Variants in GYG1 observed in about 807,000 individuals in gnomAD.
GYG1 encodes the protein glycogenin 1, also known as glycogenin-1.
Under a neutral mutation model 41.9 loss-of-function variants are expected in GYG1, and 44 were observed. That is an observed-to-expected ratio of 1.05 (90% CI 0.83 to 1.35). The LOEUF (loss-of-function observed/expected upper bound fraction) is 1.35, where lower values mean the gene tolerates loss of function less well. GYG1 is among the 40% of genes most tolerant of loss of function. The pLI, the probability that GYG1 is intolerant of heterozygous loss-of-function variation, is 0.00. For synonymous variants in GYG1, 141 were observed against 158.1 expected, an observed-to-expected ratio of 0.89 and a Z score of 0.81; for missense variants, 429 against 418.9, an observed-to-expected ratio of 1.02 and a Z score of -0.21.
chr3:148,997,953 C>A (rs1352661507), intron 4 of GYG1, among the ~76,000 whole-genome samples: 1 of 152,202 alleles, frequency 6.6e-6, no homozygotes, highest in East Asian at 1.9e-4. Context: ...GCAGAAACAG[C>A]CTTTCTCATT....
rs1371365911 is a variant in GYG1 at position 149,030,517 on chromosome 3, T to C, written c.*3584T>C. On this transcript the variant is annotated 3_prime_UTR_variant, in exon 8 of 8. Coordinates refer to ENST00000345003, the MANE Select transcript of GYG1 (RefSeq NM_004130.4). Reference sequence around the variant, plus strand: ...CATAGTGAGTTTGTAAGGCTTTGTCTTTGTAAGCAGAAAGAGTAGACTGTG... The same window carrying C: ...CATAGTGAGTTTGTAAGGCTTTGTCCTTGTAAGCAGAAAGAGTAGACTGTG... 2.0e-5 allele frequency: 3 copies of C among 152,234 alleles called. No homozygotes were observed. The highest frequency in any genetic ancestry group is 2.0e-4 in the Admixed American group (3 of 15,286). 9.4% of individuals were successfully genotyped at this position (152,234 alleles called of 1,614,324 possible).
intron 4 of GYG1, among the ~76,000 whole-genome samples, chr3:149,006,655 T>C (rs1713420116): frequency 6.6e-6 from 1 of 152,242 alleles, no homozygotes; most frequent in South Asian, 2.1e-4. Context: ...ACATTTGAGC[T>C]GTTTTCAGTT....
At chr3:149,013,592 A>G (rs917127191) in intron 5 of GYG1, among the ~76,000 whole-genome samples, 1 of 152,204 alleles carries the variant, frequency 6.6e-6, no homozygotes, top group Non-Finnish European at 1.5e-5. Flanking sequence ...AGTAAAATTA[A>G]ATATTTTTTC....
chr3:149,002,012 T>C lies in GYG1; in HGVS notation c.481+5108T>C, dbSNP rs1418681167. Among the ~76,000 whole-genome samples the C allele has an allele frequency of 2.0e-5, 3 of 152,196 alleles. No homozygotes were observed. The East Asian group carries it at 5.8e-4, about 29-fold the overall frequency. ...CTCTATTGCTACTGTTCCTCCCCTC[T>C]GATCCAAAATACCTAAAAATACTTT... On this transcript the variant is annotated intron_variant, in intron 4 of 7. Transcript: ENST00000345003.
chr3:149,011,404 A>C (rs543826209), intron 5 of GYG1, among the ~76,000 whole-genome samples: 1 of 152,340 alleles, frequency 6.6e-6, no homozygotes, highest in South Asian at 2.1e-4. Context: ...TTAGCAAGCA[A>C]AAAGTTGACA....
intron 5 of GYG1, among the ~76,000 whole-genome samples, chr3:149,018,567 T>A (rs1714194273): frequency 6.6e-6 from 1 of 152,124 alleles, no homozygotes; most frequent in South Asian, 2.1e-4. Flanking sequence ...AAGCCCCATT[T>A]TTCCCCCACT....
At chr3:149,018,882 G>A (rs1483464280) in intron 5 of GYG1, among the ~76,000 whole-genome samples, 5 of 151,710 alleles carry the variant, frequency 3.3e-5, no homozygotes, top group Non-Finnish European at 5.9e-5. Flanking sequence ...GTGAAACCTC[G>A]TCTCTACAAA....
intron 4 of GYG1, among the ~76,000 whole-genome samples, chr3:149,007,801 C>T (rs1713481534): frequency 6.6e-6 from 1 of 152,190 alleles, no homozygotes; most frequent in Non-Finnish European, 1.5e-5. Context: ...CCCATACACA[C>T]TCGCACATAT....
At chr3:149,022,574 C>T in intron 5 of GYG1, among the ~76,000 whole-genome samples, 1 of 136,060 alleles carries the variant, frequency 7.3e-6, no homozygotes, top group East Asian at 2.4e-4. Context: ...CGGCTCACTG[C>T]AACCTCCGAC....
chr3:149,019,598 A>G (rs1001507315), intron 5 of GYG1, among the ~76,000 whole-genome samples: 1 of 152,250 alleles, frequency 6.6e-6, no homozygotes, highest in African/African-American at 2.4e-5. Flanking sequence ...TATCCAGTGG[A>G]TACAGTTTTT....
chr3:149,005,210 AAATT>A (rs2107897587), intron 4 of GYG1, among the ~76,000 whole-genome samples: 1 of 152,302 alleles, frequency 6.6e-6, no homozygotes, highest in East Asian at 1.9e-4. Context: ...TTCATAATAA[AAATT>A]AAAAGTAAAG....
At chr3:149,022,895 G>A (rs1714449018) in intron 5 of GYG1, among the ~76,000 whole-genome samples, 1 of 152,102 alleles carries the variant, frequency 6.6e-6, no homozygotes, top group African/African-American at 2.4e-5. Context: ...GCTGCATGAT[G>A]TGTATAGCTA....
intron 3 of GYG1, 97 bp from the exon 4 acceptor site, chr3:148,996,645 T>C: frequency 7.7e-7 from 1 of 1,298,790 alleles, no homozygotes; most frequent in South Asian, 1.2e-5. Flanking sequence ...GCCTTACAGC[T>C]GTCACCATCT....
rs186260212 is a variant in GYG1, at chr3:149,028,852, C to T, written c.*1919C>T. On this transcript the variant is annotated 3_prime_UTR_variant, in exon 8 of 8. Transcript: ENST00000345003. The stretch of plus-strand genomic sequence containing the variant: ...TCTCCTACCTCAGCCTCCTGAGTAG[C>T]TGGGACTACAGGCACGCACCACCAC... 1.2e-3 allele frequency among the ~76,000 whole-genome samples: 177 copies of T among 152,012 alleles called. No individual in the cohort carries two copies. Among genetic ancestry groups the T allele is most frequent in the African/African-American group, 4.1e-3 (168 of 41,446 alleles).
chr3:149,016,246 G>A (rs1332102111), intron 5 of GYG1, among the ~76,000 whole-genome samples: 3 of 112,030 alleles, frequency 2.7e-5, no homozygotes, highest in Non-Finnish European at 3.3e-5. Flanking sequence ...GGGTGACAGA[G>A]CAAGACTCCG....
At chr3:149,010,343 T>C (rs1480517483) in intron 5 of GYG1, among the ~76,000 whole-genome samples, 1 of 149,178 alleles carries the variant, frequency 6.7e-6, no homozygotes, top group Non-Finnish European at 1.5e-5. Context: ...TTTTTTTTTT[T>C]TTGAGACGAA....
intron 5 of GYG1, among the ~76,000 whole-genome samples, chr3:149,020,637 A>G (rs903678880): frequency 2.6e-5 from 4 of 152,366 alleles, no homozygotes; most frequent in African/African-American, 9.6e-5. Context: ...CTGCTTAGTC[A>G]TTAGTAAACT....
chr3:148,997,012 G>T, intron 4 of GYG1, 108 bp downstream of exon 4: 1 of 846,226 alleles, frequency 1.2e-6, no homozygotes. Context: ...GAAGATATAA[G>T]AGATGGAGCA....
At chr3:149,009,998 T>C (rs1403846253) in intron 5 of GYG1, among the ~76,000 whole-genome samples, 4 of 152,204 alleles carry the variant, frequency 2.6e-5, no homozygotes, top group African/African-American at 9.6e-5. Context: ...GAGGTAATCA[T>C]GTAGCATGGT....
Sources: allele counts gnomAD v4.1 joint callset (sites outside exome capture counted in the v4.1 genomes callset), GRCh38; gene constraint gnomAD v4.1.1; transcripts MANE v1.5; gene names NCBI Gene and HGNC (gene_info 2026-07-23, HGNC 2026-07-21).